Variants in ZZEF1 observed in about 807,000 individuals in gnomAD.
ZZEF1 encodes the protein zinc finger ZZ-type and EF-hand domain containing 1.
A neutral mutation model predicts 342.8 loss-of-function variants in ZZEF1; 157 were observed. That is an observed-to-expected ratio of 0.46 (90% CI 0.40 to 0.52). The LOEUF (loss-of-function observed/expected upper bound fraction) is 0.52. Among genes scored for constraint, ZZEF1 ranks in the 20% least tolerant of loss-of-function variants. The pLI is 0.00. For synonymous variants in ZZEF1, 1,505 were observed against 1,429.1 expected, an observed-to-expected ratio of 1.05 and a Z score of -1.20; for missense variants, 3,480 against 3,725.6, an observed-to-expected ratio of 0.93 and a Z score of 1.72.
chr17:4,049,986 G>A, intron 36 of ZZEF1, 127 bp from the exon 37 acceptor site: 9 of 1,073,482 alleles, frequency 8.4e-6, no homozygotes, highest in Non-Finnish European at 1.2e-5. Flanking sequence ...CCAAATCCTA[G>A]AGGACTCAAC....
At chr17:4,085,088 G>T (rs148770381) in intron 16 of ZZEF1, among the ~76,000 whole-genome samples, 1 of 152,050 alleles carries the variant, frequency 6.6e-6, no homozygotes, top group African/African-American at 2.4e-5. Context: ...CTCCAGCCTG[G>T]GCAACAGAAC....
intron 11 of ZZEF1, 55 bp from the exon 12 acceptor site, chr17:4,090,885 T>TAA (rs748451279): frequency 2.2e-6 from 3 of 1,349,432 alleles, no homozygotes; most frequent in Non-Finnish European, 3.2e-6. Flanking sequence ...CTCAAGGGTC[T>TAA]AACAAATAAG....
At position 4,017,172 on chromosome 17, in the gene ZZEF1, C is replaced by A; in HGVS notation, c.8001+199G>T. 3.0e-6 allele frequency: 2 copies of A among 663,512 alleles called. No individual in the cohort carries two copies. The highest frequency in any genetic ancestry group is 4.8e-6 in the Non-Finnish European group (2 of 418,100). 41.1% of individuals were successfully genotyped at this position (663,512 alleles called of 1,614,324 possible). ...AAAGCTTTCTGGTTCAGCTGGAAATCGCGCTCAGGGCCCCTGAGTTCCTCA... is the reference window on the plus strand; with the variant it reads ...AAAGCTTTCTGGTTCAGCTGGAAATAGCGCTCAGGGCCCCTGAGTTCCTCA... On this transcript the variant is annotated intron_variant, in intron 48 of 54. Coordinates refer to ENST00000381638, the MANE Select transcript of ZZEF1 (RefSeq NM_015113.4). The surrounding 1 kb of genome is among the most constrained non-coding windows in gnomAD (Gnocchi z 5.1).
chr17:4,133,241 G>A (rs1460947235), intron 1 of ZZEF1, among the ~76,000 whole-genome samples: 1 of 152,104 alleles, frequency 6.6e-6, no homozygotes, highest in Non-Finnish European at 1.5e-5. Flanking sequence ...ACCGAGCAGA[G>A]CATTTTATAT....
chr17:4,116,758 C>T (rs148239558), intron 3 of ZZEF1, among the ~76,000 whole-genome samples: 1 of 152,292 alleles, frequency 6.6e-6, no homozygotes, highest in Non-Finnish European at 1.5e-5. Context: ...AAAGGCATCC[C>T]TCAAAGTCAC....
At chr17:4,082,544 T>C (rs1228350858) in intron 16 of ZZEF1, 40 bp from the exon 17 acceptor site, 1 of 1,586,222 alleles carries the variant, frequency 6.3e-7, no homozygotes, top group Non-Finnish European at 8.6e-7. Context: ...GAAAATCTAG[T>C]CCATGACATT....
rs182429984 is a variant in ZZEF1, at chr17:4,138,221, A to C, written c.354+4321T>G. On this transcript the variant is annotated intron_variant, in intron 1 of 54. Transcript: ENST00000381638. ...GCAGCCTGCTGTTGCTTTATGGTGCACACACACAGCTCTTACAGTCAATAG... is the reference window on the plus strand; with the variant it reads ...GCAGCCTGCTGTTGCTTTATGGTGCCCACACACAGCTCTTACAGTCAATAG... Among the ~76,000 whole-genome samples the C allele has an allele frequency of 6.6e-3, 1,010 of 152,328 alleles. 13 individuals are homozygous for C. The highest frequency in any genetic ancestry group is 0.023 in the African/African-American group (970 of 41,560).
chr17:4,059,202 C>T lies in ZZEF1; in HGVS notation c.4972G>A (p.Ala1658Thr), dbSNP rs749632318. The change falls in exon 31 of 55, where the codon GCA becomes ACA. Residue 1658 changes from alanine to threonine, a missense_variant. Ala to Thr is a moderately conservative substitution (Grantham distance 58). This residue lies in a region of ZZEF1 where 1,528 missense variants were observed against 1,624.1 expected (regional missense o/e 0.94). Coordinates refer to ENST00000381638, the MANE Select transcript of ZZEF1 (RefSeq NM_015113.4). Reference protein sequence around the residue: ...YYQLVLFLVKAVKGFSSLNDR... With the variant: ...YYQLVLFLVKTVKGFSSLNDR... ...TTTAGGCTACTAAATCCTTTAACTG[C>T]TTTGACCAAAAACAGAACAAGTTGA... is the stretch of plus-strand genomic sequence containing the variant. 1 of 1,604,870 alleles carries T rather than the reference C, an allele frequency of 6.2e-7. No homozygotes were observed. The highest frequency in any genetic ancestry group is 2.2e-5 in the East Asian group (1 of 44,544).
intron 21 of ZZEF1, chr17:4,076,133 C>CTTTCTTTTTTTTT (rs2057611203): frequency 9.5e-6 from 1 of 104,872 alleles, no homozygotes; most frequent in Non-Finnish European, 1.8e-5. Flanking sequence ...TCTGCGTCTC[C>CTTTCTTTTTTTTT]TTTCTTTTTT....
intron 9 of ZZEF1, among the ~76,000 whole-genome samples, chr17:4,098,403 C>A (rs2058075424): frequency 6.6e-6 from 1 of 151,984 alleles, no homozygotes; most frequent in Non-Finnish European, 1.5e-5. Flanking sequence ...TAGAGTGAGA[C>A]CCTGTCTCAA....
At chr17:4,054,315 A>G in intron 33 of ZZEF1, 120 bp from the exon 34 acceptor site, 1 of 1,130,410 alleles carries the variant, frequency 8.8e-7, no homozygotes, top group South Asian at 1.6e-5. Flanking sequence ...AAGTGCTAGG[A>G]TTTGATAATG....
At position 4,096,320 on chromosome 17, in the gene ZZEF1, A is replaced by T. The variant is rs1377372535; in HGVS notation, c.1764+289T>A. 2.0e-5 allele frequency among the ~76,000 whole-genome samples: 3 copies of T among 152,154 alleles called. No homozygotes were observed. The East Asian group carries it at 5.8e-4, about 29-fold the overall frequency. On this transcript the variant is annotated intron_variant, in intron 10 of 54. Transcript: ENST00000381638. ...AGGTCTGACTTTAAAAAAAAAAACC[A>T]AAACACCAATGACGTGGACTTCTGA... is the stretch of plus-strand genomic sequence containing the variant.
At chr17:4,102,101 A>C (rs900908014) in intron 9 of ZZEF1, among the ~76,000 whole-genome samples, 2 of 152,154 alleles carry the variant, frequency 1.3e-5, no homozygotes, top group Non-Finnish European at 2.9e-5. Flanking sequence ...GCTTTTCAAA[A>C]CTTCAGGCTC....
chr17:4,056,302 A>T lies in ZZEF1; in HGVS notation c.5209T>A (p.Ser1737Thr), dbSNP rs1319766164. 1 of 1,601,610 alleles carries T rather than the reference A, an allele frequency of 6.2e-7. No individual in the cohort carries two copies. Residue 1737 changes from serine to threonine, a missense_variant, in exon 33 of 55, where the codon TCA (serine) becomes ACA (threonine). This residue lies in a region of ZZEF1 where 175 missense variants were observed against 254.6 expected (regional missense o/e 0.69). Transcript: ENST00000381638. ...EDELADAKQN[S>T]EWMDECQDGM... ...TCCTGACACTCATCCATCCATTCTGAATTCTGCTTGGCATCAGCAAGCTCA... is the reference window on the plus strand; with the variant it reads ...TCCTGACACTCATCCATCCATTCTGTATTCTGCTTGGCATCAGCAAGCTCA...
chr17:4,109,075 A>G (rs1430384257), intron 6 of ZZEF1, among the ~76,000 whole-genome samples: 1 of 152,128 alleles, frequency 6.6e-6, no homozygotes, highest in East Asian at 1.9e-4. Context: ...ATTTTTTTTC[A>G]AAAGTACTCT....
intron 54 of ZZEF1, among the ~76,000 whole-genome samples, chr17:4,007,637 T>A (rs970747064): frequency 6.6e-6 from 1 of 152,010 alleles, no homozygotes. Context: ...TTTCGTTACA[T>A]GATGTGATGA....
chr17:4,056,946 T>C (rs528332971), intron 32 of ZZEF1: 8 of 152,322 alleles, frequency 5.3e-5, no homozygotes, highest in African/African-American at 1.9e-4. Context: ...AATTGTAAAT[T>C]TCCATAATTT....
At chr17:4,086,461 T>G in intron 15 of ZZEF1, 25 bp downstream of exon 15, 2 of 1,613,708 alleles carry the variant, frequency 1.2e-6, no homozygotes, top group African/African-American at 1.3e-5. Flanking sequence ...CAGGGTTGTA[T>G]TAAAGAGAAA....
rs920500639 is a variant in ZZEF1, at chr17:4,142,918, G to A, written c.-23C>T. ...CATGGGGTCTCCGTCTTGGGCGCCT[G>A]GCTCTGCAGCCGCCGCCGCCGCCTC... On this transcript the variant is annotated 5_prime_UTR_variant, in exon 1 of 55. Coordinates refer to ENST00000381638, the MANE Select transcript of ZZEF1 (RefSeq NM_015113.4). The A allele has an allele frequency of 6.1e-6, 8 of 1,308,410 alleles. No individual in the cohort carries two copies. Among genetic ancestry groups the A allele is most frequent in the Admixed American group, 8.4e-5 (2 of 23,952 alleles). The allele number at this position is 1,308,410 out of a possible 1,614,324, so 81.1% of individuals were successfully genotyped here. A position where few individuals can be genotyped will look rare whatever the true frequency, so the allele number is the denominator to read the frequency against.
Sources: gnomAD v4.1 joint callset for allele counts (sites outside exome capture counted in the v4.1 genomes callset) on GRCh38, gnomAD v4.1.1 for gene constraint, gnomAD v4.1.1 regional missense constraint, Gnocchi (gnomAD v3.1) non-coding constraint, MANE v1.5 for transcripts, NCBI Gene and HGNC (gene_info 2026-07-23, HGNC 2026-07-21) for gene names.